Variants in ARL10 observed in about 807,000 individuals in gnomAD.
The protein encoded by ARL10 is ARF like GTPase 10.
In ARL10, 23 loss-of-function variants were observed where a neutral mutation model predicts 26.1. The ratio of observed to expected loss-of-function variants is 0.88; its 90% CI spans 0.63 to 1.25. ARL10 has a LOEUF of 1.25. Ranked by LOEUF, ARL10 falls within the 50% of genes most tolerant of loss-of-function variation. The pLI is 0.00. For missense variants in ARL10, 300 were observed against 323.6 expected, an observed-to-expected ratio of 0.93 and a Z score of 0.56; for synonymous variants, 138 against 149.1, an observed-to-expected ratio of 0.93 and a Z score of 0.54.
rs1768567412 is a variant in ARL10, at chr5:176,372,196, T to C, written c.*301T>C. On this transcript the variant is annotated 3_prime_UTR_variant, in exon 4 of 4. Transcript: ENST00000310389. Reference sequence around the variant, plus strand: ...TTCTCTTACCTGTACAGTGAGATGCTCAGTGGGCTCAATCCTCCACTACAG... The same window carrying C: ...TTCTCTTACCTGTACAGTGAGATGCCCAGTGGGCTCAATCCTCCACTACAG... 1.3e-6 allele frequency: 1 copy of C among 758,278 alleles called. No homozygotes were observed. Among genetic ancestry groups the C allele is most frequent in the Middle Eastern group, 4.8e-4 (1 of 2,090 alleles). The allele number at this position is 758,278 out of a possible 1,614,324, so 47.0% of individuals were successfully genotyped here.
downstream of ARL10, among the ~76,000 whole-genome samples, chr5:176,402,598 G>A (rs1024691784): frequency 6.6e-6 from 1 of 152,296 alleles, no homozygotes; most frequent in African/African-American, 2.4e-5. Flanking sequence ...CCTGCCATGA[G>A]GGCAGAGGCT....
downstream of ARL10, chr5:176,406,128 G>A (rs1263858913): frequency 8.1e-6 from 8 of 982,244 alleles, no homozygotes; most frequent in South Asian, 4.7e-5. Context: ...ACAGTGTCAC[G>A]GGCCACAACT....
At chr5:176,370,405 G>C (rs1399784097) in intron 3 of ARL10, among the ~76,000 whole-genome samples, 1 of 152,164 alleles carries the variant, frequency 6.6e-6, no homozygotes, top group Non-Finnish European at 1.5e-5. Flanking sequence ...TACAGAGTCT[G>C]ATCATATTTC....
In ARL10 at chr5:176,368,470, C is replaced by T. The variant is rs1768403385; in HGVS notation, c.386-337C>T. On this transcript the variant is annotated intron_variant, in intron 2 of 3. Coordinates refer to ENST00000310389, the MANE Select transcript of ARL10 (RefSeq NM_173664.6). This position sits in a 1 kb window ranked among gnomAD's most constrained non-coding sequence, Gnocchi z 4.1. ...TCAGTCCCGTGAAAGGTACATCGCA[C>T]GTGGTACCTGTGGGTTTTACTGCAA... Among the ~76,000 whole-genome samples, 1 of 152,030 alleles carries T rather than the reference C, an allele frequency of 6.6e-6. No homozygotes were observed. Among genetic ancestry groups the T allele is most frequent in the South Asian group, 2.1e-4 (1 of 4,808 alleles).
chr5:176,412,334 A>G, the ARL10 span, among the ~76,000 whole-genome samples: 1 of 152,098 alleles, frequency 6.6e-6, no homozygotes, highest in Non-Finnish European at 1.5e-5. Context: ...ATCATACAGT[A>G]TCCTGCACCC....
chr5:176,410,717 C>A, the ARL10 span, among the ~76,000 whole-genome samples: 1 of 152,158 alleles, frequency 6.6e-6, no homozygotes, highest in Non-Finnish European at 1.5e-5. Context: ...GCTGTAAGCT[C>A]AGGGCAGGGG....
downstream of ARL10, chr5:176,392,729 G>A (rs780097314): frequency 1.9e-6 from 3 of 1,603,520 alleles, no homozygotes; most frequent in East Asian, 4.5e-5. This position sits in a 1 kb window ranked among gnomAD's most constrained non-coding sequence, Gnocchi z 5.2. Context: ...CTCCTCCTGT[G>A]CCCAGGCCCA....
chr5:176,367,434 C>G (rs934369201), intron 2 of ARL10, among the ~76,000 whole-genome samples: 1 of 152,186 alleles, frequency 6.6e-6, no homozygotes, highest in Non-Finnish European at 1.5e-5. Context: ...CCTCTCAGCA[C>G]CACAGCCTCC....
At chr5:176,369,285 T>C (rs1253963037) in intron 3 of ARL10, 2 of 1,178,274 alleles carry the variant, frequency 1.7e-6, no homozygotes, top group Non-Finnish European at 2.2e-6. Flanking sequence ...CAGGCTGGAA[T>C]GCAGTGGTGT....
At chr5:176,366,780 C>T (rs1273899400) in intron 2 of ARL10, among the ~76,000 whole-genome samples, 199 bp downstream of exon 2, 2 of 152,160 alleles carry the variant, frequency 1.3e-5, no homozygotes, top group Non-Finnish European at 2.9e-5. Flanking sequence ...CGGGCCTCTC[C>T]AGCTGCACCG....
chr5:176,392,730 C>T, downstream of ARL10: 2 of 1,604,308 alleles, frequency 1.2e-6, no homozygotes, highest in Non-Finnish European at 8.5e-7. The surrounding 1 kb of genome is among the most constrained non-coding windows in gnomAD (Gnocchi z 5.2). Context: ...TCCTCCTGTG[C>T]CCAGGCCCAG....
chr5:176,369,097 C>T, intron 3 of ARL10, 115 bp downstream of exon 3: 2 of 1,539,284 alleles, frequency 1.3e-6, no homozygotes, highest in South Asian at 2.4e-5. Flanking sequence ...GAGATGCTGC[C>T]CCCACCTCTT....
At chr5:176,397,323 T>TAGCCCCTCTCATGTCCCCAC (rs1561792320) in intron 1 of ARL10, among the ~76,000 whole-genome samples, 4 of 116,420 alleles carry the variant, frequency 3.4e-5, no homozygotes, top group Non-Finnish European at 5.3e-5. Context: ...CATGTCCCCA[T>TAGCCCCTCTCATGTCCCCAC]AGCCCCTCTC....
the ARL10 span, chr5:176,410,118 T>G: frequency 1.4e-6 from 1 of 725,894 alleles, no homozygotes; most frequent in African/African-American, 1.8e-5. Flanking sequence ...TCCAAAAACC[T>G]TTCTCTATGT....
chr5:176,365,832 G>A, intron 1 of ARL10, 86 bp downstream of exon 1: 1 of 1,206,276 alleles, frequency 8.3e-7, no homozygotes, highest in Non-Finnish European at 1.0e-6. Context: ...ACCACGGAAC[G>A]GCCCTGCTGG....
At chr5:176,389,409 T>C (rs772118296), downstream of ARL10, 4 of 1,614,044 alleles carry the variant, frequency 2.5e-6, no homozygotes, top group Non-Finnish European at 2.5e-6. Flanking sequence ...TCTCAGCTCA[T>C]GATGCGCACC....
chr5:176,366,331 G>T (rs1430836640), intron 1 of ARL10, 49 bp from the exon 2 acceptor site: 2 of 1,552,020 alleles, frequency 1.3e-6, no homozygotes, highest in African/African-American at 1.4e-5. Flanking sequence ...CCTCGGGAAA[G>T]GTCCTTCGGG....
chr5:176,392,889 C>G, downstream of ARL10: 2 of 1,614,230 alleles, frequency 1.2e-6, no homozygotes, highest in Non-Finnish European at 1.7e-6. The surrounding 1 kb of genome is among the most constrained non-coding windows in gnomAD (Gnocchi z 5.2). Flanking sequence ...CACCTTCTCC[C>G]ACTCTGTGCC....
rs1275881858 is a variant in ARL10, at chr5:176,365,725, C to A, written c.162C>A (p.Leu54=). 7 of 1,238,266 alleles carry A rather than the reference C, an allele frequency of 5.7e-6. No homozygotes were observed. The highest frequency in any genetic ancestry group is 7.1e-6 in the Non-Finnish European group (7 of 989,858). The allele number at this position is 1,238,266 out of a possible 1,614,324, so 76.7% of individuals were successfully genotyped here. A position where few individuals can be genotyped will look rare whatever the true frequency, so the allele number is the denominator to read the frequency against. ...EAWWGAEAAR[L]PEWDEWDPED... ...GGTGGGGCGCGGAGGCTGCCCGCCT[C>A]CCCGAGTGGGACGAGTGGGACGTGA... The change falls in exon 1 of 4, where the codon CTC becomes CTA. Residue 54 remains leucine (L), a synonymous_variant. Coordinates refer to ENST00000310389, the MANE Select transcript of ARL10 (RefSeq NM_173664.6).
Sources: allele counts gnomAD v4.1 joint callset (sites outside exome capture counted in the v4.1 genomes callset), GRCh38; gene constraint gnomAD v4.1.1; non-coding constraint Gnocchi (gnomAD v3.1); transcripts MANE v1.5; gene names NCBI Gene and HGNC (gene_info 2026-07-23, HGNC 2026-07-21).